Variants in CSMD2 observed in about 807,000 individuals in gnomAD.
CSMD2 encodes CUB and Sushi multiple domains 2.
A neutral mutation model predicts 398.5 loss-of-function variants in CSMD2; 130 were observed. That is an observed-to-expected ratio of 0.33 (90% CI 0.28 to 0.38). The LOEUF (loss-of-function observed/expected upper bound fraction) is 0.38. Ranked by LOEUF, CSMD2 falls within the 10% of genes least tolerant of loss-of-function variation. The pLI is 1.00. For missense variants in CSMD2, 3,829 were observed against 4,764.9 expected, an observed-to-expected ratio of 0.80 and a Z score of 5.78; for synonymous variants, 1,828 against 1,908.5, an observed-to-expected ratio of 0.96 and a Z score of 1.10.
chr1:34,001,761 A>G (rs1646911324), intron 3 of CSMD2, among the ~76,000 whole-genome samples: 1 of 152,232 alleles, frequency 6.6e-6, no homozygotes, highest in African/African-American at 2.4e-5. Context: ...AGGATTGTAC[A>G]GAATGGAATA....
At chr1:33,976,295 G>C (rs1645961068) in intron 3 of CSMD2, among the ~76,000 whole-genome samples, 1 of 152,148 alleles carries the variant, frequency 6.6e-6, no homozygotes, top group Non-Finnish European at 1.5e-5. Context: ...TGGTAAAATG[G>C]GTTTAAACAA....
chr1:33,869,768 C>T (rs952120851), intron 5 of CSMD2, among the ~76,000 whole-genome samples: 10 of 152,160 alleles, frequency 6.6e-5, no homozygotes. Context: ...AGACCATGCT[C>T]AGTTAGCCCT....
chr1:33,717,486 T>C (rs941986438), intron 19 of CSMD2, among the ~76,000 whole-genome samples: 1 of 151,824 alleles, frequency 6.6e-6, no homozygotes, highest in African/African-American at 2.4e-5. Context: ...CAGTGGCACG[T>C]CCACCTGAAG....
At chr1:33,632,228 C>T (rs1642504222) in intron 32 of CSMD2, among the ~76,000 whole-genome samples, 1 of 151,836 alleles carries the variant, frequency 6.6e-6, no homozygotes, top group Admixed American at 6.6e-5. Context: ...TTTATTTGAC[C>T]AGCATAAAAG....
At chr1:34,054,609 A>G (rs560616433) in intron 2 of CSMD2, among the ~76,000 whole-genome samples, 9 of 152,128 alleles carry the variant, frequency 5.9e-5, no homozygotes, top group Non-Finnish European at 1.2e-4. Flanking sequence ...GCGTGGTGGC[A>G]GGTGCCTATA....
At chr1:33,840,520 A>C (rs1484779969) in intron 6 of CSMD2, among the ~76,000 whole-genome samples, 2 of 152,184 alleles carry the variant, frequency 1.3e-5, no homozygotes, top group Non-Finnish European at 2.9e-5. Context: ...TTGCCCCATG[A>C]GCTTGTGCAT....
Position 33,544,681 on chromosome 1 carries a change from AT to A in CSMD2, c.9100+1355del, listed in dbSNP as rs530704943. 2.6e-4 allele frequency among the ~76,000 whole-genome samples: 39 copies of A among 152,138 alleles called. No individual in the cohort carries two copies. In the East Asian group the frequency reaches 7.1e-3, roughly 28 times the overall value. On this transcript the variant is annotated intron_variant, in intron 57 of 70. Coordinates refer to ENST00000373381, the MANE Select transcript of CSMD2 (RefSeq NM_001281956.2). ...AAGGGTGAGTCAGGGGAGGGGGAGG[AT>A]GAAGAGAAGTGGGTTAAAGGGCATG... is the stretch of plus-strand genomic sequence containing the variant.
At chr1:33,988,721 A>C (rs779830739) in intron 3 of CSMD2, among the ~76,000 whole-genome samples, 4 of 152,044 alleles carry the variant, frequency 2.6e-5, no homozygotes, top group Non-Finnish European at 5.9e-5. Flanking sequence ...TGATGGAAAA[A>C]AAAAATACTA....
intron 25 of CSMD2, among the ~76,000 whole-genome samples, chr1:33,681,287 G>A (rs1160011958): frequency 6.6e-6 from 1 of 151,952 alleles, no homozygotes; most frequent in Non-Finnish European, 1.5e-5. Context: ...TAGTTTGTAA[G>A]TTTTCTTTAG....
chr1:33,974,610 C>T (rs1017115313), intron 3 of CSMD2, among the ~76,000 whole-genome samples: 1 of 152,184 alleles, frequency 6.6e-6, no homozygotes, highest in Non-Finnish European at 1.5e-5. Flanking sequence ...TAGTCAGTGG[C>T]AGAGGTGCTT....
chr1:33,899,564 T>C (rs1642616702), intron 5 of CSMD2, among the ~76,000 whole-genome samples: 1 of 152,144 alleles, frequency 6.6e-6, no homozygotes, highest in South Asian at 2.1e-4. Flanking sequence ...CACATAGTAA[T>C]TGTATTTTCT....
Position 33,587,919 on chromosome 1 carries a change from C to T in CSMD2, c.6857-751G>A, listed in dbSNP as rs560600805. Among the ~76,000 whole-genome samples, 3 of 152,270 alleles carry T rather than the reference C, an allele frequency of 2.0e-5. No homozygotes were observed. The East Asian group carries it at 5.8e-4, about 29-fold the overall frequency. The stretch of plus-strand genomic sequence containing the variant: ...CTCCTGCTGCCACTGCTGCTGTTAT[C>T]GTTACTATTTCCAATCACCCCAATC... On this transcript the variant is annotated intron_variant, in intron 44 of 70. Transcript: ENST00000373381.
intron 29 of CSMD2, among the ~76,000 whole-genome samples, chr1:33,642,796 C>T (rs1160293611): frequency 6.6e-6 from 1 of 152,000 alleles, no homozygotes; most frequent in African/African-American, 2.4e-5. Flanking sequence ...AATAAGTTAC[C>T]CCTTTGTTTG....
chr1:34,048,395 C>G (rs961258609), intron 2 of CSMD2, among the ~76,000 whole-genome samples: 2 of 152,158 alleles, frequency 1.3e-5, no homozygotes, highest in African/African-American at 4.8e-5. Flanking sequence ...TCAGATGGTG[C>G]CAGGCTAGGA....
chr1:33,741,713 G>C (rs1647073995), intron 14 of CSMD2, among the ~76,000 whole-genome samples: 1 of 152,122 alleles, frequency 6.6e-6, no homozygotes, highest in South Asian at 2.1e-4. Flanking sequence ...ACCTTGGAAA[G>C]AAATACAAGT....
rs763749409 is a variant in CSMD2, at chr1:33,788,669, G to A, written c.1594C>T (p.His532Tyr). 1.9e-6 allele frequency: 3 copies of A among 1,614,018 alleles called. No individual in the cohort carries two copies. The highest frequency in any genetic ancestry group is 2.5e-6 in the Non-Finnish European group (3 of 1,179,864). ...SVPDLIVSTNHQMWLLFQTDG... is the reference protein window; with the variant it reads ...SVPDLIVSTNYQMWLLFQTDG... Reference sequence around the variant, plus strand: ...GTCTGGAAGAGGAGCCACATTTGATGATTGGTGCTGACAATGAGATCCGGG... The same window carrying A: ...GTCTGGAAGAGGAGCCACATTTGATAATTGGTGCTGACAATGAGATCCGGG... Residue 532 changes from histidine (H) to tyrosine (Y), a missense_variant, in exon 12 of 71, where the codon CAT (histidine) becomes TAT (tyrosine). Coordinates refer to ENST00000373381, the MANE Select transcript of CSMD2 (RefSeq NM_001281956.2).
In CSMD2 at chr1:33,888,963, A is replaced by G. The variant is rs555032528; in HGVS notation, c.920+29131T>C. ...TGTTTTGTATTTTTAGTAGAGACGG[A>G]GTTTCACCATGTTAGCCAGGACAGT... On this transcript the variant is annotated intron_variant, in intron 5 of 70. Transcript: ENST00000373381. 2.2e-3 allele frequency among the ~76,000 whole-genome samples: 328 copies of G among 152,058 alleles called. 1 individual carries two copies. Among genetic ancestry groups the G allele is most frequent in the African/African-American group, 7.4e-3 (308 of 41,484 alleles).
chr1:33,698,605 G>C, intron 24 of CSMD2, 148 bp downstream of exon 24: 1 of 641,994 alleles, frequency 1.6e-6, no homozygotes, highest in East Asian at 2.8e-5. Flanking sequence ...GGGTGCAGGT[G>C]AACCATGATG....
chr1:34,029,244 C>T (rs1217193216), intron 3 of CSMD2, among the ~76,000 whole-genome samples: 3 of 152,174 alleles, frequency 2.0e-5, no homozygotes, highest in Admixed American at 2.0e-4. Context: ...GGGGACTCTG[C>T]AATGGAGGAA....
Sources: gnomAD v4.1 joint callset for allele counts (sites outside exome capture counted in the v4.1 genomes callset) on GRCh38, gnomAD v4.1.1 for gene constraint, MANE v1.5 for transcripts, NCBI Gene and HGNC (gene_info 2026-07-23, HGNC 2026-07-21) for gene names.